The following C1orf21 variants were observed in gnomAD, a reference collection of about 807,000 sequenced individuals.
C1orf21 encodes uncharacterized protein C1orf21.
Under a neutral mutation model 18.7 loss-of-function variants are expected in C1orf21, and 3 were observed. The ratio of observed to expected loss-of-function variants is 0.16; its 90% CI spans 0.07 to 0.42. C1orf21 has a LOEUF of 0.42. C1orf21 is among the 10% of genes least tolerant of loss of function. The probability of loss-of-function intolerance (pLI) is 0.99; values close to 1 mark genes in which losing one functional copy is unlikely to be tolerated. For missense variants in C1orf21, 104 were observed against 143.6 expected (o/e 0.72, Z 1.41); for synonymous variants, 41 against 46.4 (o/e 0.88, Z 0.47).
intron 3 of C1orf21, among the ~76,000 whole-genome samples, chr1:184,557,839 G>T (rs10911608): frequency 0.17 from 25,290 of 151,958 alleles, 2,416 homozygotes; most frequent in East Asian, 0.31. Flanking sequence ...CCAACAACTC[G>T]TTGGCAGTAC....
chr1:184,531,767 G>A (rs1310160882), intron 3 of C1orf21, among the ~76,000 whole-genome samples: 1 of 152,092 alleles, frequency 6.6e-6, no homozygotes, highest in East Asian at 1.9e-4. Context: ...GTCAGTCAGA[G>A]ATGATCTCTT....
chr1:184,550,866 T>A (rs1658802743), intron 3 of C1orf21, among the ~76,000 whole-genome samples: 1 of 152,158 alleles, frequency 6.6e-6, no homozygotes. Flanking sequence ...ATGGATTTCC[T>A]GGACTTGGTT....
At chr1:184,557,049 G>C (rs79546033) in intron 3 of C1orf21, among the ~76,000 whole-genome samples, 1 of 152,008 alleles carries the variant, frequency 6.6e-6, no homozygotes, top group African/African-American at 2.4e-5. Context: ...CTGTCAACTC[G>C]TGAATTATTG....
chr1:184,403,375 C>T (rs186425126), intron 1 of C1orf21, among the ~76,000 whole-genome samples: 5 of 152,222 alleles, frequency 3.3e-5, no homozygotes, highest in Admixed American at 1.3e-4. Context: ...AGTTCAAAAA[C>T]GGCTAAAGTA....
At chr1:184,596,010 C>T (rs1046668771) in intron 4 of C1orf21, among the ~76,000 whole-genome samples, 7 of 152,164 alleles carry the variant, frequency 4.6e-5, no homozygotes, top group African/African-American at 7.2e-5. Context: ...ATAAGCATCC[C>T]GAGGTCCTTA....
At chr1:184,430,950 C>T (rs1656751841) in intron 1 of C1orf21, among the ~76,000 whole-genome samples, 1 of 152,148 alleles carries the variant, frequency 6.6e-6, no homozygotes, top group Non-Finnish European at 1.5e-5. Context: ...TTTGTGTCCT[C>T]TTTTATTTCC....
intron 2 of C1orf21, among the ~76,000 whole-genome samples, chr1:184,481,450 T>C (rs1045281820): frequency 1.3e-5 from 2 of 152,098 alleles, no homozygotes; most frequent in African/African-American, 4.8e-5. Flanking sequence ...CACATGCCAC[T>C]AGCCAAAGCA....
intron 2 of C1orf21, among the ~76,000 whole-genome samples, chr1:184,478,305 C>A: frequency 6.6e-6 from 1 of 152,176 alleles, no homozygotes; most frequent in South Asian, 2.1e-4. Context: ...TAATAATCAT[C>A]TTTTAACCTC....
At chr1:184,522,071 G>C (rs930805096) in intron 3 of C1orf21, among the ~76,000 whole-genome samples, 2 of 152,156 alleles carry the variant, frequency 1.3e-5, no homozygotes, top group Admixed American at 6.5e-5. Flanking sequence ...GTTGGAGTGG[G>C]AGGTTACAGA....
At chr1:184,526,155 C>T (rs1361935081) in intron 3 of C1orf21, among the ~76,000 whole-genome samples, 1 of 152,140 alleles carries the variant, frequency 6.6e-6, no homozygotes, top group African/African-American at 2.4e-5. Flanking sequence ...GCTGATCATT[C>T]TTGCCTTATT....
intron 2 of C1orf21, among the ~76,000 whole-genome samples, chr1:184,501,534 A>G (rs888285854): frequency 9.2e-5 from 14 of 152,200 alleles, no homozygotes; most frequent in African/African-American, 1.4e-4. Flanking sequence ...TAAAAACTGT[A>G]CACACTACTT....
intron 5 of C1orf21, among the ~76,000 whole-genome samples, chr1:184,611,077 C>T (rs1285535960): frequency 6.6e-6 from 1 of 152,102 alleles, no homozygotes; most frequent in Non-Finnish European, 1.5e-5. Context: ...CTCCACTGCT[C>T]ATTACAAACG....
In C1orf21 at chr1:184,623,732, G is replaced by A. The variant is rs1659961453; in HGVS notation, c.*4176G>A. The A allele has an allele frequency of 6.6e-6, 1 of 152,620 alleles. No individual in the cohort carries two copies. Among genetic ancestry groups the A allele is most frequent in the Non-Finnish European group, 1.5e-5 (1 of 68,024 alleles). The allele number at this position is 152,620 out of a possible 1,614,324, so 9.5% of individuals were successfully genotyped here. A position where few individuals can be genotyped will look rare whatever the true frequency, so the allele number is the denominator to read the frequency against. On this transcript the variant is annotated 3_prime_UTR_variant, in exon 6 of 6. Transcript: ENST00000235307. ...AATTGCCTTTTGCCAATGAATGGAT[G>A]TATTTTTCCAAGGGGGGAATAGTAT...
intron 1 of C1orf21, among the ~76,000 whole-genome samples, chr1:184,466,417 G>A (rs1057219605): frequency 6.6e-6 from 1 of 152,170 alleles, no homozygotes; most frequent in Non-Finnish European, 1.5e-5. Flanking sequence ...TGCCCTCCTG[G>A]GTCTCTTCTC....
chr1:184,509,772 G>A (rs1012100162), intron 3 of C1orf21, among the ~76,000 whole-genome samples: 4 of 152,140 alleles, frequency 2.6e-5, no homozygotes, highest in African/African-American at 4.8e-5. Context: ...ATACTAAGAT[G>A]TAGGTTACAG....
rs987223068 is a variant in C1orf21 at position 184,624,193 on chromosome 1, T to TG, written c.*4642dup. On this transcript the variant is annotated 3_prime_UTR_variant, in exon 6 of 6. Transcript: ENST00000235307. ...TTCGCAACACTGTGAAAACAACCCC[T>TG]GGGGGCATCTGCCTTCCAGAATCTC... is the stretch of plus-strand genomic sequence containing the variant. 19 of 152,598 alleles carry TG rather than the reference T, an allele frequency of 1.2e-4. No homozygotes were observed. Among genetic ancestry groups the TG allele is most frequent in the African/African-American group, 4.6e-4 (19 of 41,434 alleles). 9.5% of individuals were successfully genotyped at this position (152,598 alleles called of 1,614,324 possible). A position where few individuals can be genotyped will look rare whatever the true frequency, so the allele number is the denominator to read the frequency against.
At chr1:184,544,110 C>A (rs928316952) in intron 3 of C1orf21, among the ~76,000 whole-genome samples, 3 of 152,212 alleles carry the variant, frequency 2.0e-5, no homozygotes, top group African/African-American at 7.2e-5. Flanking sequence ...ATTTGAAGCT[C>A]ATGGCTTGAG....
At chr1:184,593,123 T>C (rs889101478) in intron 4 of C1orf21, among the ~76,000 whole-genome samples, 73 of 152,328 alleles carry the variant, frequency 4.8e-4, no homozygotes, top group African/African-American at 1.7e-3. Flanking sequence ...CTCAGAGTTA[T>C]AAAGAGAGAT....
intron 1 of C1orf21, among the ~76,000 whole-genome samples, chr1:184,411,474 T>A (rs1463633000): frequency 4.3e-5 from 6 of 139,984 alleles, no homozygotes; most frequent in African/African-American, 1.1e-4. Flanking sequence ...CAGGCTGGAG[T>A]GCAGTGGTGC....
Sources: gnomAD v4.1 joint callset for allele counts (sites outside exome capture counted in the v4.1 genomes callset) on GRCh38, gnomAD v4.1.1 for gene constraint, MANE v1.5 for transcripts, NCBI Gene and HGNC (gene_info 2026-07-23, HGNC 2026-07-21) for gene names.